Variants in EYS observed in about 807,000 individuals in gnomAD.
EYS encodes protein eyes shut homolog.
A neutral mutation model predicts 282.1 loss-of-function variants in EYS; 250 were observed. That is an observed-to-expected ratio of 0.89 (90% CI 0.80 to 0.98). EYS has a LOEUF of 0.98. Among genes scored for constraint, EYS ranks in the 50% least tolerant of loss-of-function variants. The pLI, the probability that EYS is intolerant of heterozygous loss-of-function variation, is 0.00. For missense variants in EYS, 4,016 were observed against 3,709.0 expected (o/e 1.08, Z -2.15); for synonymous variants, 1,355 against 1,282.9 (o/e 1.06, Z -1.20).
chr6:64,636,212 A>G (rs1442334937), intron 22 of EYS, among the ~76,000 whole-genome samples: 2 of 152,198 alleles, frequency 1.3e-5, no homozygotes, highest in Non-Finnish European at 2.9e-5. Flanking sequence ...ACAGTAACCA[A>G]AACAGCATGG....
chr6:65,436,319 T>C (rs563560900), intron 5 of EYS, among the ~76,000 whole-genome samples: 2 of 152,248 alleles, frequency 1.3e-5, no homozygotes, highest in African/African-American at 4.8e-5. Context: ...ACAACAGACA[T>C]TATTTTTTTC....
At chr6:64,224,841 T>A (rs946703048) in intron 31 of EYS, among the ~76,000 whole-genome samples, 1 of 152,122 alleles carries the variant, frequency 6.6e-6, no homozygotes, top group African/African-American at 2.4e-5. Context: ...AATGATTTTT[T>A]TTTTGTGTTG....
intron 22 of EYS, among the ~76,000 whole-genome samples, chr6:64,626,883 T>G (rs1767626752): frequency 6.6e-6 from 1 of 152,080 alleles, no homozygotes; most frequent in Admixed American, 6.5e-5. Context: ...TGAAAAGAAA[T>G]AAAACAGAGG....
chr6:64,879,757 C>T (rs1357207994), intron 19 of EYS, among the ~76,000 whole-genome samples: 4 of 151,870 alleles, frequency 2.6e-5, no homozygotes, highest in African/African-American at 9.7e-5. Context: ...TTTGATATAA[C>T]TATGTGGGGA....
chr6:64,535,070 T>A (rs1216203336), intron 26 of EYS, among the ~76,000 whole-genome samples: 7 of 152,208 alleles, frequency 4.6e-5, no homozygotes, highest in Admixed American at 4.6e-4. Flanking sequence ...TCTACTTAGT[T>A]TTATGCTTGC....
chr6:64,732,442 G>C (rs1469505739), intron 22 of EYS, among the ~76,000 whole-genome samples: 1 of 151,832 alleles, frequency 6.6e-6, no homozygotes, highest in Non-Finnish European at 1.5e-5. Flanking sequence ...CTTTGCAAAT[G>C]TTTGCCCTAT....
chr6:64,432,844 T>A (rs1173741270), intron 28 of EYS, among the ~76,000 whole-genome samples: 1 of 152,056 alleles, frequency 6.6e-6, no homozygotes, highest in African/African-American at 2.4e-5. Context: ...CTTCTAACTT[T>A]ACTGCTTTGT....
chr6:63,893,294 C>G (rs1281747865), intron 35 of EYS, among the ~76,000 whole-genome samples: 1 of 152,162 alleles, frequency 6.6e-6, no homozygotes, highest in Non-Finnish European at 1.5e-5. Flanking sequence ...GCTTGCTTCA[C>G]TGATCACAAT....
At chr6:64,938,567 T>C (rs1338801330) in intron 15 of EYS, among the ~76,000 whole-genome samples, 1 of 151,708 alleles carries the variant, frequency 6.6e-6, no homozygotes, top group African/African-American at 2.4e-5. Flanking sequence ...TTACATTAAG[T>C]AGAAACTACA....
intron 30 of EYS, among the ~76,000 whole-genome samples, chr6:64,295,900 AG>A (rs1163492635): frequency 1.3e-5 from 2 of 152,086 alleles, no homozygotes; most frequent in Non-Finnish European, 2.9e-5. Flanking sequence ...ATGAGACTGG[AG>A]GGGATATTAA....
chr6:63,992,862 C>T (rs1322077612), intron 34 of EYS, among the ~76,000 whole-genome samples: 1 of 151,480 alleles, frequency 6.6e-6, no homozygotes, highest in Non-Finnish European at 1.5e-5. Flanking sequence ...AATTGTAATC[C>T]CCTAAATCCC....
At chr6:65,265,612 C>T (rs1350862070) in intron 12 of EYS, among the ~76,000 whole-genome samples, 1 of 151,686 alleles carries the variant, frequency 6.6e-6, no homozygotes, top group Non-Finnish European at 1.5e-5. Context: ...GTTTAAAGTG[C>T]AAAAGAAATT....
At chr6:65,563,553 T>A (rs1769146841) in intron 2 of EYS, among the ~76,000 whole-genome samples, 1 of 151,972 alleles carries the variant, frequency 6.6e-6, no homozygotes. Context: ...AGACTATCAA[T>A]CTCCAAAAGT....
chr6:65,070,722 C>T (rs1259240678), intron 12 of EYS, among the ~76,000 whole-genome samples: 3 of 151,632 alleles, frequency 2.0e-5, no homozygotes, highest in Non-Finnish European at 4.4e-5. Flanking sequence ...TCCTTTGTGT[C>T]TTCAATACTT....
chr6:65,396,153 T>A (rs1766271266), intron 7 of EYS, among the ~76,000 whole-genome samples: 2 of 152,162 alleles, frequency 1.3e-5, no homozygotes, highest in South Asian at 2.1e-4. Context: ...TCTGCAAAGT[T>A]TATTTATTTG....
At chr6:63,885,230 A>G (rs898591565) in intron 35 of EYS, among the ~76,000 whole-genome samples, 13 of 152,114 alleles carry the variant, frequency 8.5e-5, no homozygotes, top group African/African-American at 2.7e-4. Context: ...GGTAGATCCC[A>G]ATTACTGGCC....
intron 33 of EYS, among the ~76,000 whole-genome samples, chr6:64,031,089 C>G (rs1386129133): frequency 1.3e-5 from 2 of 152,264 alleles, no homozygotes; most frequent in African/African-American, 4.8e-5. Context: ...CGCTGATGCA[C>G]TGTGGGAGCC....
At chr6:63,891,193 T>A (rs921194409) in intron 35 of EYS, among the ~76,000 whole-genome samples, 11 of 152,000 alleles carry the variant, frequency 7.2e-5, no homozygotes, top group Non-Finnish European at 1.6e-4. Context: ...CTTAACCTAT[T>A]CTAAACAATA....
chr6:64,136,986 G>T (rs1219427848), intron 31 of EYS, among the ~76,000 whole-genome samples: 1 of 152,104 alleles, frequency 6.6e-6, no homozygotes, highest in Non-Finnish European at 1.5e-5. Flanking sequence ...TCTTCTAGTA[G>T]AAGGCTGTTC....
Sources: gnomAD v4.1 joint callset for allele counts (sites outside exome capture counted in the v4.1 genomes callset) on GRCh38, gnomAD v4.1.1 for gene constraint, MANE v1.5 for transcripts, NCBI Gene and HGNC (gene_info 2026-07-23, HGNC 2026-07-21) for gene names.